Variants in TRPC4AP observed in about 807,000 individuals in gnomAD.
TRPC4AP encodes transient receptor potential cation channel subfamily C member 4 associated protein, also known as short transient receptor potential channel 4-associated protein.
TRPC4AP carries 45 observed loss-of-function variants against 99.0 expected under a neutral mutation model. The observed-to-expected ratio is 0.45, with a 90% confidence interval of 0.36 to 0.58. The LOEUF (loss-of-function observed/expected upper bound fraction) is 0.58. Among genes scored for constraint, TRPC4AP ranks in the 20% least tolerant of loss-of-function variants. TRPC4AP has a pLI of 0.00. For missense variants in TRPC4AP, 879 were observed against 985.3 expected (o/e 0.89, Z 1.44); for synonymous variants, 408 against 385.8 (o/e 1.06, Z -0.67).
intron 8 of TRPC4AP, among the ~76,000 whole-genome samples, chr20:35,029,790 C>T (rs1600545672): frequency 6.7e-6 from 1 of 149,298 alleles, no homozygotes; most frequent in South Asian, 2.1e-4. Context: ...CGCCCGCCAC[C>T]ACGCCCAGCT....
rs138711543 is a variant in TRPC4AP, at chr20:35,073,447, G to A, written c.298-4035C>T. 2.0e-3 allele frequency among the ~76,000 whole-genome samples: 312 copies of A among 152,224 alleles called. 1 individual carries two copies. Among genetic ancestry groups the A allele is most frequent in the African/African-American group, 6.5e-3 (272 of 41,530 alleles). On this transcript the variant is annotated intron_variant, in intron 2 of 18. Coordinates refer to ENST00000252015, the MANE Select transcript of TRPC4AP (RefSeq NM_015638.3). ...AATAGCTCCTATTATTTTAAGATAC[G>A]TCCCATCAATACCTAGTTTATTGAG...
chr20:35,010,279 GTAC>G lies in TRPC4AP; in HGVS notation c.1416_1418del (p.Lys472_Tyr473delinsAsn). 1 of 1,614,148 alleles carries G rather than the reference GTAC, an allele frequency of 6.2e-7. No homozygotes were observed. Among genetic ancestry groups the G allele is most frequent in the Non-Finnish European group, 8.5e-7 (1 of 1,180,000 alleles). On this transcript the variant is annotated inframe_deletion, in exon 12 of 19. Transcript: ENST00000252015. ...TCAGCTCCTGGTTGTTGAGTAACAA[GTAC>G]TTGTTCCTGAAACAAAATGGGTTGG...
chr20:35,013,048 G>C lies in TRPC4AP; in HGVS notation c.1369C>G (p.Gln457Glu). 6.2e-7 allele frequency: 1 copy of C among 1,614,112 alleles called. No individual in the cohort carries two copies. Among genetic ancestry groups the C allele is most frequent in the East Asian group, 2.2e-5 (1 of 44,868 alleles). The change falls in exon 11 of 19, where the codon CAG becomes GAG. Residue 457 changes from glutamine (Q) to glutamate (E), a missense_variant. By Grantham distance (29) the Gln-to-Glu change is conservative. Coordinates refer to ENST00000252015, the MANE Select transcript of TRPC4AP (RefSeq NM_015638.3). ...AAGCTCTGAAGAAGCCTCAAAAACT[G>C]TATCTTCAAGGTGATGTCCTGAAAC... ...DCSPDITLKI[Q>E]FLRLLQSFSD... is the part of the protein sequence containing the mutation.
At chr20:35,070,739 G>T (rs2084288539) in intron 2 of TRPC4AP, among the ~76,000 whole-genome samples, 1 of 152,064 alleles carries the variant, frequency 6.6e-6, no homozygotes, top group Non-Finnish European at 1.5e-5. Context: ...GTTCCTTGAG[G>T]ACAACACAAA....
At chr20:35,013,597 A>C (rs372091131) in intron 10 of TRPC4AP, among the ~76,000 whole-genome samples, 1 of 152,126 alleles carries the variant, frequency 6.6e-6, no homozygotes, top group Non-Finnish European at 1.5e-5. Flanking sequence ...ACCAACCAAC[A>C]AACAAAACAA....
intron 6 of TRPC4AP, among the ~76,000 whole-genome samples, chr20:35,047,052 A>G (rs1221085569): frequency 1.3e-5 from 2 of 152,118 alleles, no homozygotes; most frequent in Non-Finnish European, 2.9e-5. Flanking sequence ...TATTTTTAGT[A>G]GAGACAGGGT....
intron 8 of TRPC4AP, among the ~76,000 whole-genome samples, chr20:35,023,872 C>T (rs2147303708): frequency 6.6e-6 from 1 of 152,364 alleles, no homozygotes; most frequent in African/African-American, 2.4e-5. Flanking sequence ...GGCAGCCTGA[C>T]CCCTCTCCAA....
Position 35,034,114 on chromosome 20 carries a change from C to T in TRPC4AP, c.1051+1009G>A, listed in dbSNP as rs1307490797. Among the ~76,000 whole-genome samples, 2 of 10,624 alleles carry T rather than the reference C, an allele frequency of 1.9e-4. 1 individual carries two copies. The highest frequency in any genetic ancestry group is 5.2e-4 in the African/African-American group (2 of 3,846). 7.0% of individuals were successfully genotyped at this position (10,624 alleles called of 152,430 possible). A position where few individuals can be genotyped will look rare whatever the true frequency, so the allele number is the denominator to read the frequency against. ...GAGCCGAGATTGCGCCACTGCAGTC[C>T]GCAGTCCGACCTGGGCGACAGAGCG... On this transcript the variant is annotated intron_variant, in intron 8 of 18. Transcript: ENST00000252015.
chr20:35,092,280 C>T (rs553853116), intron 1 of TRPC4AP, among the ~76,000 whole-genome samples: 2 of 152,280 alleles, frequency 1.3e-5, no homozygotes, highest in Admixed American at 6.5e-5. Flanking sequence ...AAACTCGAGG[C>T]CCACAGAGGC....
intron 2 of TRPC4AP, 114 bp from the exon 3 acceptor site, chr20:35,069,526 G>C: frequency 1.5e-6 from 1 of 685,054 alleles, no homozygotes; most frequent in Non-Finnish European, 2.6e-6. Flanking sequence ...CACAAAGACA[G>C]TCCCCAATGA....
In TRPC4AP at chr20:35,057,494, T is replaced by G. The variant is rs149376668; in HGVS notation, c.472+20A>C. ...CGGCAGGTTGGAAAACAAGGACCAG[T>G]AGCTAATAGGTATACTTACTTTTCA... On this transcript the variant is annotated intron_variant, in intron 4 of 18. Transcript: ENST00000252015. 1 of 1,601,578 alleles carries G rather than the reference T, an allele frequency of 6.2e-7. No homozygotes were observed. Among genetic ancestry groups the G allele is most frequent in the South Asian group, 1.1e-5 (1 of 89,704 alleles).
intron 14 of TRPC4AP, 37 bp downstream of exon 14, chr20:35,007,513 A>AG (rs2082539657): frequency 3.1e-6 from 5 of 1,603,490 alleles, no homozygotes; most frequent in Non-Finnish European, 3.4e-6. Context: ...GGCTGGGGGG[A>AG]GACGGAACCC....
intron 1 of TRPC4AP, 69 bp from the exon 2 acceptor site, chr20:35,078,243 A>G: frequency 6.5e-7 from 1 of 1,540,512 alleles, no homozygotes; most frequent in South Asian, 1.2e-5. Flanking sequence ...GGCAAAGGAG[A>G]GCAGCCGACT....
At position 35,084,662 on chromosome 20, in the gene TRPC4AP, ATGTGTATATGTATATATG is replaced by A. The variant is rs2084774587; in HGVS notation, c.169-6506_169-6489del. On this transcript the variant is annotated intron_variant, in intron 1 of 18. Coordinates refer to ENST00000252015, the MANE Select transcript of TRPC4AP (RefSeq NM_015638.3). ...TATGTATGTATGTTTATATGCATAT[ATGTGTATATGTATATATG>A]TTTATATGCATATATGTGTATATGT... Among the ~76,000 whole-genome samples, 14 of 128,436 alleles carry A rather than the reference ATGTGTATATGTATATATG, an allele frequency of 1.1e-4. 1 individual carries two copies. Among genetic ancestry groups the A allele is most frequent in the Admixed American group, 1.7e-4 (2 of 12,012 alleles). 84.3% of individuals were successfully genotyped at this position (128,436 alleles called of 152,430 possible). A position where few individuals can be genotyped will look rare whatever the true frequency, so the allele number is the denominator to read the frequency against.
intron 7 of TRPC4AP, among the ~76,000 whole-genome samples, chr20:35,043,055 C>CA (rs59955315): frequency 0.4 from 60,147 of 151,750 alleles, 13,025 homozygotes; most frequent in East Asian, 0.58. Flanking sequence ...ACCATATACA[C>CA]ACTGTTCTGT....
chr20:35,051,131 T>C (rs913787353), intron 5 of TRPC4AP, among the ~76,000 whole-genome samples: 16 of 152,278 alleles, frequency 1.1e-4, no homozygotes, highest in Non-Finnish European at 2.2e-4. Flanking sequence ...ATATTTCTTT[T>C]TTTTAGCCTC....
In TRPC4AP at chr20:35,069,384, G is replaced by C. The variant is rs1476155735; in HGVS notation, c.326C>G (p.Ala109Gly). The C allele has an allele frequency of 1.2e-6, 2 of 1,611,846 alleles. No homozygotes were observed. The highest frequency in any genetic ancestry group is 2.7e-5 in the African/African-American group (2 of 74,810). ...KEISPLLSME[A>G]MAFVTEERKL... is the part of the protein sequence containing the mutation. ...CCTCTCTTCAGTAACAAATGCCATA[G>C]CCTCCATGGAGAGAAGAGGAGAAAT... The change falls in exon 3 of 19, where the codon GCT becomes GGT. Residue 109 changes from alanine to glycine, a missense_variant. This residue lies in a region of TRPC4AP where 603 missense variants were observed against 631.8 expected (regional missense o/e 0.95). Transcript: ENST00000252015.
At chr20:35,068,978 C>CAA (rs1555914270) in intron 3 of TRPC4AP, among the ~76,000 whole-genome samples, 1,331 of 95,152 alleles carry the variant, frequency 0.014, 23 homozygotes, top group Non-Finnish European at 0.021. Flanking sequence ...CACACACACA[C>CAA]AAAAAAAACA....
chr20:35,082,416 A>G (rs1478118553), intron 1 of TRPC4AP, among the ~76,000 whole-genome samples: 1 of 152,232 alleles, frequency 6.6e-6, no homozygotes, highest in Non-Finnish European at 1.5e-5. Context: ...GTTCCACATC[A>G]GAAAGATAGT....
Sources: gnomAD v4.1 joint callset for allele counts (sites outside exome capture counted in the v4.1 genomes callset) on GRCh38, gnomAD v4.1.1 for gene constraint, gnomAD v4.1.1 regional missense constraint, MANE v1.5 for transcripts, NCBI Gene and HGNC (gene_info 2026-07-23, HGNC 2026-07-21) for gene names.